Variants in THBS4 observed in about 807,000 individuals in gnomAD.
THBS4 encodes thrombospondin-4.
Under a neutral mutation model 115.7 loss-of-function variants are expected in THBS4, and 90 were observed. The ratio of observed to expected loss-of-function variants is 0.78; its 90% CI spans 0.66 to 0.93. The LOEUF is 0.93. Among genes scored for constraint, THBS4 ranks in the 40% least tolerant of loss-of-function variants. The pLI is 0.00. For synonymous variants in THBS4, 460 were observed against 479.3 expected, an observed-to-expected ratio of 0.96 and a Z score of 0.53; for missense variants, 1,087 against 1,232.7, an observed-to-expected ratio of 0.88 and a Z score of 1.77.
At chr5:80,037,916 C>A (rs1028603520) in intron 1 of THBS4, among the ~76,000 whole-genome samples, 1 of 152,160 alleles carries the variant, frequency 6.6e-6, no homozygotes, top group African/African-American at 2.4e-5. Flanking sequence ...GGGATATAGG[C>A]ACTAAGAGGA....
chr5:80,019,474 T>C (rs1297472583), intron 2 of THBS4: 3 of 152,194 alleles, frequency 2.0e-5, no homozygotes, highest in African/African-American at 7.2e-5. Context: ...TTACTTTTCT[T>C]AGGTGAGATA....
intron 2 of THBS4, among the ~76,000 whole-genome samples, chr5:80,003,760 C>A (rs1044346273): frequency 6.6e-6 from 1 of 152,174 alleles, no homozygotes; most frequent in Non-Finnish European, 1.5e-5. Context: ...CTCTGAAGAC[C>A]CCCTTCTTAT....
At chr5:80,027,191 G>A (rs993590911) in intron 2 of THBS4, among the ~76,000 whole-genome samples, 1 of 152,166 alleles carries the variant, frequency 6.6e-6, no homozygotes, top group Non-Finnish European at 1.5e-5. Flanking sequence ...AAACAAAGGG[G>A]TATGTCTGTG....
intron 16 of THBS4, 86 bp from the exon 17 acceptor site, chr5:80,077,963 G>A (rs966546617): frequency 3.3e-6 from 4 of 1,227,276 alleles, no homozygotes; most frequent in African/African-American, 3.1e-5. Flanking sequence ...GAGCCCTTCT[G>A]TTCCTCATGC....
chr5:80,030,851 C>T (rs758455622), upstream of THBS4, among the ~76,000 whole-genome samples: 1 of 152,076 alleles, frequency 6.6e-6, no homozygotes, highest in Non-Finnish European at 1.5e-5. Flanking sequence ...ATTTCTGTTT[C>T]CTTCAAAAAT....
chr5:80,072,366 C>T lies in THBS4; in HGVS notation c.1809C>T (p.Asp603=), dbSNP rs1197614571. The change falls in exon 14 of 22, where the codon GAC becomes GAT. Residue 603 remains aspartate (D), a synonymous_variant. Transcript: ENST00000350881. The stretch of plus-strand genomic sequence containing the variant: ...GTGATGGTGTGGGGGATGCCTGTGA[C>T]AGTTGTCCTGATGTCAGCAACCCTA... ...KDGDGVGDAC[D]SCPDVSNPNQ... is the part of the protein sequence containing the mutation. 6.2e-7 allele frequency: 1 copy of T among 1,614,198 alleles called. No individual in the cohort carries two copies. Among genetic ancestry groups the T allele is most frequent in the Non-Finnish European group, 8.5e-7 (1 of 1,180,024 alleles).
chr5:80,032,253 G>A (rs572391789), upstream of THBS4, among the ~76,000 whole-genome samples: 12 of 152,110 alleles, frequency 7.9e-5, no homozygotes, highest in African/African-American at 2.2e-4. Context: ...ACTCCCTAGC[G>A]AATGGCTGCA....
intron 2 of THBS4, among the ~76,000 whole-genome samples, chr5:80,015,473 T>A (rs1832228126): frequency 6.6e-6 from 1 of 152,162 alleles, no homozygotes; most frequent in Admixed American, 6.5e-5. Flanking sequence ...TTGAGGGCAG[T>A]GAGATCACCA....
rs1832681157 is a variant in THBS4 at position 80,035,435 on chromosome 5, C to T, written c.-103C>T. 1 of 781,266 alleles carries T rather than the reference C, an allele frequency of 1.3e-6. No individual in the cohort carries two copies. The highest frequency in any genetic ancestry group is 3.8e-5 in the East Asian group (1 of 26,252). 48.4% of individuals were successfully genotyped at this position (781,266 alleles called of 1,614,324 possible). On this transcript the variant is annotated 5_prime_UTR_variant, in exon 1 of 22. Transcript: ENST00000350881. The surrounding 1 kb of genome is among the most constrained non-coding windows in gnomAD (Gnocchi z 4.6). ...CGCCGAGCACGGGTCACCTGCGGCG[C>T]CGGCCCGGGCGCCGACCGAGGTTCA...
Position 80,072,350 on chromosome 5 carries a change from T to G in THBS4, c.1793T>G (p.Val598Gly). Residue 598 changes from valine (V) to glycine (G), a missense_variant, in exon 14 of 22, where the codon GTG becomes GGG. Transcript: ENST00000350881. ...RDQRDKDGDGVGDACDSCPDV... is the reference protein window; with the variant it reads ...RDQRDKDGDGGGDACDSCPDV... ...CAACGGGACAAGGATGGTGATGGTG[T>G]GGGGGATGCCTGTGACAGTTGTCCT... 6.2e-7 allele frequency: 1 copy of G among 1,614,178 alleles called. No individual in the cohort carries two copies. Among genetic ancestry groups the G allele is most frequent in the South Asian group, 1.1e-5 (1 of 91,078 alleles).
At chr5:80,064,354 C>T (rs895770768) in intron 8 of THBS4, among the ~76,000 whole-genome samples, 6 of 152,204 alleles carry the variant, frequency 3.9e-5, no homozygotes, top group Admixed American at 1.3e-4. Flanking sequence ...AAAGACATGC[C>T]AAAATTCAGG....
At chr5:80,019,774 C>A in intron 2 of THBS4, 1 of 180,168 alleles carries the variant, frequency 5.6e-6, no homozygotes. Context: ...GTCAAGCTAA[C>A]CAAGAGTCTG....
intron 7 of THBS4, among the ~76,000 whole-genome samples, 157 bp downstream of exon 7, chr5:80,060,062 C>T (rs929228988): frequency 1.3e-5 from 2 of 152,146 alleles, no homozygotes; most frequent in African/African-American, 2.4e-5. Flanking sequence ...CAAGGGATGG[C>T]GGAAGGAGAC....
At chr5:80,002,281 A>C (rs1831916370) in intron 2 of THBS4, among the ~76,000 whole-genome samples, 1 of 152,238 alleles carries the variant, frequency 6.6e-6, no homozygotes, top group Middle Eastern at 3.4e-3. Flanking sequence ...ACACTACCTC[A>C]AGGGCACCTC....
rs1380038409 is a variant in THBS4 at position 80,072,312 on chromosome 5, T to C, written c.1755T>C (p.Phe585=). The C allele has an allele frequency of 1.9e-6, 3 of 1,614,064 alleles. No homozygotes were observed. Among genetic ancestry groups the C allele is most frequent in the Admixed American group, 3.3e-5 (2 of 60,008 alleles). ...ACATTCTGGACAACTGCCCAAAATT[T>C]CCCAATCGTGACCAACGGGACAAGG... The part of the protein sequence containing the change: ...IKNILDNCPK[F]PNRDQRDKDG... The change falls in exon 14 of 22, where the codon TTT becomes TTC. Residue 585 remains phenylalanine (F), a synonymous_variant. Coordinates refer to ENST00000350881, the MANE Select transcript of THBS4 (RefSeq NM_003248.6).
Position 80,057,068 on chromosome 5 carries a change from T to A in THBS4, c.540+1036T>A, listed in dbSNP as rs181226170. ...CGAGGTTTTTGGGGATTTTTGTTTT[T>A]CAGTCATATATAGAGAGATTTTTAA... On this transcript the variant is annotated intron_variant, in intron 3 of 21. Transcript: ENST00000350881. Among the ~76,000 whole-genome samples, 264 of 152,306 alleles carry A rather than the reference T, an allele frequency of 1.7e-3. 3 individuals carry two copies. The highest frequency in any genetic ancestry group is 0.017 in the Middle Eastern group (5 of 294).
At chr5:80,062,650 C>T (rs1239523223) in intron 8 of THBS4, among the ~76,000 whole-genome samples, 2 of 152,148 alleles carry the variant, frequency 1.3e-5, no homozygotes, top group Non-Finnish European at 2.9e-5. Context: ...TTGTCATTTA[C>T]ATTAGGTATA....
At chr5:80,021,356 C>T (rs1832370050) in intron 2 of THBS4, among the ~76,000 whole-genome samples, 1 of 152,094 alleles carries the variant, frequency 6.6e-6, no homozygotes, top group South Asian at 2.1e-4. Context: ...AAAGGTAAAA[C>T]AATGCTAGTC....
At chr5:80,042,795 A>G (rs566605832) in intron 2 of THBS4, among the ~76,000 whole-genome samples, 49 of 152,236 alleles carry the variant, frequency 3.2e-4, no homozygotes, top group African/African-American at 1.1e-3. Flanking sequence ...GAGAAACCCC[A>G]TCTCTACTAA....
Sources: gnomAD v4.1 joint callset for allele counts (sites outside exome capture counted in the v4.1 genomes callset) on GRCh38, gnomAD v4.1.1 for gene constraint, Gnocchi (gnomAD v3.1) non-coding constraint, MANE v1.5 for transcripts, NCBI Gene and HGNC (gene_info 2026-07-23, HGNC 2026-07-21) for gene names.